GTF2IRD1: variants seen among roughly 807,000 people sequenced by gnomAD.
GTF2IRD1 encodes general transcription factor II-I repeat domain-containing protein 1.
A neutral mutation model predicts 113.2 loss-of-function variants in GTF2IRD1; 26 were observed. That is an observed-to-expected ratio of 0.23 (90% CI 0.17 to 0.32). The LOEUF (loss-of-function observed/expected upper bound fraction) is 0.32, where lower values mean the gene tolerates loss of function less well. GTF2IRD1 is among the 10% of genes least tolerant of loss of function. GTF2IRD1 has a pLI of 1.00. For missense variants in GTF2IRD1, 864 were observed against 1,280.8 expected, an observed-to-expected ratio of 0.67 and a Z score of 4.97; for synonymous variants, 484 against 529.1, an observed-to-expected ratio of 0.91 and a Z score of 1.17.
At chr7:74,466,524 A>G (rs1554330835) in intron 1 of GTF2IRD1, among the ~76,000 whole-genome samples, 1 of 151,984 alleles carries the variant, frequency 6.6e-6, no homozygotes, top group Non-Finnish European at 1.5e-5. Flanking sequence ...TCTAAAACGT[A>G]CTGTGCTCCG....
intron 8 of GTF2IRD1, 87 bp downstream of exon 8, chr7:74,524,241 GGC>G: frequency 2.3e-6 from 2 of 872,538 alleles, no homozygotes; most frequent in Non-Finnish European, 3.6e-6. Flanking sequence ...TCCCCAACAC[GGC>G]AGCGGGAGCC....
intron 9 of GTF2IRD1, among the ~76,000 whole-genome samples, chr7:74,532,679 C>T (rs1230505588): frequency 1.3e-5 from 2 of 152,180 alleles, no homozygotes; most frequent in African/African-American, 4.8e-5. Context: ...TGCCTCTGGG[C>T]CTGTGGATCC....
chr7:74,489,307 G>A lies in GTF2IRD1; in HGVS notation c.-6-18768G>A, dbSNP rs547364517. Among the ~76,000 whole-genome samples the A allele has an allele frequency of 5.3e-5, 8 of 152,204 alleles. No individual in the cohort carries two copies. In the South Asian group the frequency reaches 1.5e-3, roughly 28 times the overall value. ...CTCTAGTTGGCTGTCATGGTCGGGG[G>A]TGTCACATGCAGGAGAAGGAGGACA... On this transcript the variant is annotated intron_variant, in intron 1 of 26. Transcript: ENST00000424337.
At chr7:74,482,797 G>A (rs1468254585) in intron 1 of GTF2IRD1, among the ~76,000 whole-genome samples, 1 of 152,094 alleles carries the variant, frequency 6.6e-6, no homozygotes, top group Non-Finnish European at 1.5e-5. Context: ...TCATCCTTGC[G>A]AGATTCCACC....
chr7:74,516,081 T>C (rs2267824), intron 4 of GTF2IRD1, among the ~76,000 whole-genome samples: 50,878 of 152,158 alleles, frequency 0.33, 10,345 homozygotes, highest in African/African-American at 0.56. Context: ...TACTGACCTC[T>C]CTACAGAACC....
chr7:74,455,201 C>T (rs919157332), intron 1 of GTF2IRD1, among the ~76,000 whole-genome samples: 17 of 152,232 alleles, frequency 1.1e-4, no homozygotes, highest in African/African-American at 3.1e-4. Flanking sequence ...GCTGCAGGGC[C>T]TGTGAGGGGA....
intron 1 of GTF2IRD1, among the ~76,000 whole-genome samples, chr7:74,458,937 G>GT (rs66598021): frequency 0.57 from 86,232 of 151,616 alleles, 25,610 homozygotes; most frequent in East Asian, 0.8. Context: ...GGGATTACAG[G>GT]TGTGAGCCCC....
At chr7:74,567,740 G>C (rs1800409551) in intron 22 of GTF2IRD1, among the ~76,000 whole-genome samples, 1 of 152,048 alleles carries the variant, frequency 6.6e-6, no homozygotes, top group Non-Finnish European at 1.5e-5. Flanking sequence ...GGGCAGGAGA[G>C]AATGAACAAG....
intron 1 of GTF2IRD1, among the ~76,000 whole-genome samples, chr7:74,471,680 A>AC (rs1562776480): frequency 1.2e-5 from 1 of 83,478 alleles, no homozygotes; most frequent in African/African-American, 4.7e-5. Flanking sequence ...TTTAAAAAAA[A>AC]AAAAAAAAAC....
intron 24 of GTF2IRD1, 26 bp downstream of exon 24, chr7:74,591,043 G>A (rs376100250): frequency 4.4e-4 from 689 of 1,557,518 alleles, no homozygotes; most frequent in Non-Finnish European, 5.9e-4. Flanking sequence ...CTGGAACGGG[G>A]AACAGAGAGG....
chr7:74,508,547 T>G (rs1282829843), intron 2 of GTF2IRD1, among the ~76,000 whole-genome samples: 1 of 151,972 alleles, frequency 6.6e-6, no homozygotes, highest in Non-Finnish European at 1.5e-5. Context: ...AAAAATTAGC[T>G]GGGCGTGGTG....
In GTF2IRD1 at chr7:74,474,886, G is replaced by A. The variant is rs569594575; in HGVS notation, c.-7+20710G>A. ...CCAACACTTTGGGAGGTTGAGGCGG[G>A]AAGACTGCTTGAGTCCAGGAGTTTG... On this transcript the variant is annotated intron_variant, in intron 1 of 26. Coordinates refer to ENST00000424337, the MANE Select transcript of GTF2IRD1 (RefSeq NM_005685.4). 9.9e-5 allele frequency among the ~76,000 whole-genome samples: 15 copies of A among 152,266 alleles called. No homozygotes were observed. In the South Asian group the frequency reaches 3.1e-3, roughly 32 times the overall value.
In GTF2IRD1 at chr7:74,538,660, T is replaced by C; in HGVS notation, c.1448-20T>C. On this transcript the variant is annotated intron_variant, in intron 12 of 26. Transcript: ENST00000424337. ...GGGATCATGCCAGACTTGACAGGAT[T>C]CTTCCTTTCCTCCTTGCAGGAACCT... 1.4e-6 allele frequency: 2 copies of C among 1,448,596 alleles called. No individual in the cohort carries two copies. The highest frequency in any genetic ancestry group is 4.5e-5 in the East Asian group (2 of 44,132). The allele number at this position is 1,448,596 out of a possible 1,614,324, so 89.7% of individuals were successfully genotyped here.
intron 11 of GTF2IRD1, 111 bp from the exon 12 acceptor site, chr7:74,538,025 T>A (rs1222034383): frequency 7.5e-6 from 7 of 937,128 alleles, no homozygotes; most frequent in Non-Finnish European, 1.0e-5. Flanking sequence ...GGGACAGGGA[T>A]GCCTTCTGCA....
At chr7:74,560,315 A>T (rs1554358652) in intron 22 of GTF2IRD1, among the ~76,000 whole-genome samples, 1 of 151,890 alleles carries the variant, frequency 6.6e-6, no homozygotes, top group African/African-American at 2.4e-5. Flanking sequence ...GCGAGGTTGG[A>T]GGTGAGTGGG....
chr7:74,582,428 TC>T (rs1242714618), intron 22 of GTF2IRD1, among the ~76,000 whole-genome samples: 1 of 152,184 alleles, frequency 6.6e-6, no homozygotes, highest in Non-Finnish European at 1.5e-5. Context: ...CAGCATTTTT[TC>T]TTTTTTTTTG....
chr7:74,463,656 G>A (rs1359975481), intron 1 of GTF2IRD1, among the ~76,000 whole-genome samples: 6 of 152,152 alleles, frequency 3.9e-5, no homozygotes, highest in East Asian at 1.9e-4. Flanking sequence ...ACCAAGGAGC[G>A]GGTGGTGGGG....
Position 74,563,652 on chromosome 7 carries a change from A to G in GTF2IRD1, c.2320+3997A>G, listed in dbSNP as rs587662178. On this transcript the variant is annotated intron_variant, in intron 22 of 26. Transcript: ENST00000424337. The stretch of plus-strand genomic sequence containing the variant: ...TGTAATCCTAGCACTTTGGGAGGCC[A>G]AGGTAGGAGGATCACTTGAGGCCAA... Among the ~76,000 whole-genome samples, 9 of 152,046 alleles carry G rather than the reference A, an allele frequency of 5.9e-5. No homozygotes were observed. In the East Asian group the frequency reaches 1.7e-3, roughly 30 times the overall value.
intron 22 of GTF2IRD1, among the ~76,000 whole-genome samples, chr7:74,583,779 A>G (rs1801566727): frequency 6.6e-6 from 1 of 152,098 alleles, no homozygotes; most frequent in African/African-American, 2.4e-5. Flanking sequence ...GAAGAGGGGA[A>G]GTTTCCTGAT....
Sources: allele counts gnomAD v4.1 joint callset (sites outside exome capture counted in the v4.1 genomes callset), GRCh38; gene constraint gnomAD v4.1.1; transcripts MANE v1.5; gene names NCBI Gene and HGNC (gene_info 2026-07-23, HGNC 2026-07-21).